The following STXBP6 variants were observed in gnomAD, a reference collection of about 807,000 sequenced individuals.
The protein encoded by STXBP6 is syntaxin binding protein 6, also known as syntaxin-binding protein 6.
STXBP6 carries 21 observed loss-of-function variants against 26.9 expected under a neutral mutation model. The observed-to-expected ratio is 0.78, with a 90% confidence interval of 0.55 to 1.12. The LOEUF is 1.12. Among genes scored for constraint, STXBP6 ranks in the 50% most tolerant of loss-of-function variants. STXBP6 has a pLI of 0.00. For synonymous variants in STXBP6, 97 were observed against 92.6 expected (o/e 1.05, Z -0.27); for missense variants, 232 against 257.9 (o/e 0.90, Z 0.69).
intron 1 of STXBP6, among the ~76,000 whole-genome samples, chr14:25,030,271 C>A (rs1411695479): frequency 6.6e-6 from 1 of 152,178 alleles, no homozygotes; most frequent in African/African-American, 2.4e-5. Flanking sequence ...TCACAGCATC[C>A]AGGACAGTAC....
At chr14:24,871,485 A>G (rs77131338) in intron 2 of STXBP6, among the ~76,000 whole-genome samples, 1 of 152,250 alleles carries the variant, frequency 6.6e-6, no homozygotes, top group East Asian at 1.9e-4. Flanking sequence ...AATAACTTCC[A>G]TGAATATGTG....
chr14:24,876,996 C>T (rs1433725622), intron 2 of STXBP6, among the ~76,000 whole-genome samples: 2 of 152,188 alleles, frequency 1.3e-5, no homozygotes, highest in Admixed American at 1.3e-4. Flanking sequence ...CTTCCCTTCT[C>T]ATAAAACTCT....
At chr14:24,859,146 C>T (rs141304993) in intron 2 of STXBP6, among the ~76,000 whole-genome samples, 1 of 152,254 alleles carries the variant, frequency 6.6e-6, no homozygotes, top group African/African-American at 2.4e-5. Flanking sequence ...TGAAATGAGG[C>T]ATGCAGGAAC....
At chr14:24,940,534 T>C (rs140650300) in intron 2 of STXBP6, among the ~76,000 whole-genome samples, 7 of 152,346 alleles carry the variant, frequency 4.6e-5, no homozygotes, top group Middle Eastern at 3.4e-3. Flanking sequence ...TGGAAGCCTC[T>C]TGACCTTTCA....
At chr14:24,948,698 G>A (rs926631628) in intron 2 of STXBP6, among the ~76,000 whole-genome samples, 4 of 152,278 alleles carry the variant, frequency 2.6e-5, no homozygotes, top group Non-Finnish European at 5.9e-5. Context: ...ACCAGAGACC[G>A]CTAGGTTGTA....
intron 2 of STXBP6, among the ~76,000 whole-genome samples, chr14:24,887,739 A>G (rs2070642833): frequency 6.6e-6 from 1 of 152,196 alleles, no homozygotes; most frequent in Non-Finnish European, 1.5e-5. Context: ...ACTAAAGGAA[A>G]ACCAAAACCC....
intron 2 of STXBP6, among the ~76,000 whole-genome samples, chr14:24,942,697 G>T (rs1217518726): frequency 6.6e-6 from 1 of 152,218 alleles, no homozygotes; most frequent in Admixed American, 6.5e-5. Context: ...TGAAGGCCAT[G>T]AAAAGAGCAA....
chr14:25,041,503 A>G (rs183122120), intron 1 of STXBP6, among the ~76,000 whole-genome samples: 10 of 152,254 alleles, frequency 6.6e-5, no homozygotes, highest in African/African-American at 2.4e-4. Context: ...TTCAAGAATA[A>G]TATTAACTTC....
intron 4 of STXBP6, among the ~76,000 whole-genome samples, chr14:24,851,934 T>C (rs556199161): frequency 2.6e-5 from 4 of 152,242 alleles, no homozygotes; most frequent in African/African-American, 9.6e-5. Context: ...ATTTAAAAGC[T>C]GTTGGAACCC....
chr14:25,004,020 G>T (rs988224011), intron 1 of STXBP6, among the ~76,000 whole-genome samples: 7 of 152,202 alleles, frequency 4.6e-5, no homozygotes, highest in Non-Finnish European at 7.3e-5. Flanking sequence ...CTAGCAGAAA[G>T]AATACAAAGA....
At chr14:24,958,746 T>C (rs2073424887) in intron 2 of STXBP6, among the ~76,000 whole-genome samples, 1 of 152,150 alleles carries the variant, frequency 6.6e-6, no homozygotes, top group Admixed American at 6.5e-5. Flanking sequence ...TTTTTTTCTG[T>C]AATACTCTCC....
At position 25,049,114 on chromosome 14, in the gene STXBP6, C is replaced by T; in HGVS notation, c.-33+764G>A. On this transcript the variant is annotated intron_variant, in intron 1 of 5. Transcript: ENST00000323944. The surrounding 1 kb of genome is among the most constrained non-coding windows in gnomAD (Gnocchi z 5.6). The stretch of plus-strand genomic sequence containing the variant: ...CTTTCCAAATTCTCCACCTGCAGGT[C>T]CTGTCCTCTGTGAAGATGAACGGGG... 1 of 970,412 alleles carries T rather than the reference C, an allele frequency of 1.0e-6. No homozygotes were observed. 60.1% of individuals were successfully genotyped at this position (970,412 alleles called of 1,614,324 possible). A position where few individuals can be genotyped will look rare whatever the true frequency, so the allele number is the denominator to read the frequency against.
Position 24,811,222 on chromosome 14 carries a change from A to G in STXBP6, c.*1487T>C, listed in dbSNP as rs1413005776. The stretch of plus-strand genomic sequence containing the variant: ...CTTTCTCTCTCCTTGGGAATGCTTT[A>G]TTAGGAGAACTTCAGCTATTTAAAT... On this transcript the variant is annotated 3_prime_UTR_variant, in exon 6 of 6. Coordinates refer to ENST00000323944, the MANE Select transcript of STXBP6 (RefSeq NM_001394410.1). The G allele has an allele frequency of 2.6e-5, 4 of 152,098 alleles. No individual in the cohort carries two copies. The highest frequency in any genetic ancestry group is 1.3e-4 in the Admixed American group (2 of 15,268). 9.4% of individuals were successfully genotyped at this position (152,098 alleles called of 1,614,324 possible).
At chr14:25,037,907 G>A (rs560976375) in intron 1 of STXBP6, among the ~76,000 whole-genome samples, 51 of 152,230 alleles carry the variant, frequency 3.4e-4, no homozygotes, top group African/African-American at 1.2e-3. Flanking sequence ...AAGTTTCCTT[G>A]CTAAAGGGTT....
chr14:24,933,357 A>G (rs1336725634), intron 2 of STXBP6, among the ~76,000 whole-genome samples: 31 of 152,126 alleles, frequency 2.0e-4, no homozygotes, highest in Admixed American at 2.0e-3. Flanking sequence ...AGTAAAATAA[A>G]ATAAAGTCAC....
chr14:24,831,404 C>T lies in STXBP6; in HGVS notation c.452-12210G>A, dbSNP rs549150504. Among the ~76,000 whole-genome samples, 14 of 152,066 alleles carry T rather than the reference C, an allele frequency of 9.2e-5. No individual in the cohort carries two copies. The East Asian group carries it at 2.7e-3, about 29-fold the overall frequency. ...ACTTGGTACCAAGCAGAGTACAGGA[C>T]CATATATCACATGCATTATATGGCT... is the stretch of plus-strand genomic sequence containing the variant. On this transcript the variant is annotated intron_variant, in intron 4 of 5. Transcript: ENST00000323944.
At chr14:24,878,693 T>C (rs2070237546) in intron 2 of STXBP6, 1 of 371,660 alleles carries the variant, frequency 2.7e-6, no homozygotes. Flanking sequence ...GGCCTTTTCT[T>C]AAACTGAATT....
In STXBP6 at chr14:24,888,648, G is replaced by A. The variant is rs142780917; in HGVS notation, c.155-31491C>T. On this transcript the variant is annotated intron_variant, in intron 2 of 5. Coordinates refer to ENST00000323944, the MANE Select transcript of STXBP6 (RefSeq NM_001394410.1). Reference sequence around the variant, plus strand: ...TGAGGCAAGAGAATTGCTTGAATCCGGGAGGTGTAGGCTGCAGTGAGCTGA... The same window carrying A: ...TGAGGCAAGAGAATTGCTTGAATCCAGGAGGTGTAGGCTGCAGTGAGCTGA... Among the ~76,000 whole-genome samples, 273 of 151,990 alleles carry A rather than the reference G, an allele frequency of 1.8e-3. 1 individual carries two copies. The highest frequency in any genetic ancestry group is 6.1e-3 in the African/African-American group (252 of 41,442).
intron 1 of STXBP6, among the ~76,000 whole-genome samples, chr14:25,011,599 C>T (rs2075033222): frequency 6.6e-6 from 1 of 152,018 alleles, no homozygotes; most frequent in African/African-American, 2.4e-5. Context: ...TTCCCTGAGC[C>T]CCAGAGACTA....
Sources: gnomAD v4.1 joint callset for allele counts (sites outside exome capture counted in the v4.1 genomes callset) on GRCh38, gnomAD v4.1.1 for gene constraint, Gnocchi (gnomAD v3.1) non-coding constraint, MANE v1.5 for transcripts, NCBI Gene and HGNC (gene_info 2026-07-23, HGNC 2026-07-21) for gene names.